Variants in MEGF6 observed in about 807,000 individuals in gnomAD.
MEGF6 encodes the protein multiple EGF like domains 6, also known as multiple epidermal growth factor-like domains protein 6.
Under a neutral mutation model 207.1 loss-of-function variants are expected in MEGF6, and 184 were observed. The observed-to-expected ratio is 0.89, with a 90% CI of 0.79 to 1.00. MEGF6 has a LOEUF of 1.00. Among genes scored for constraint, MEGF6 ranks in the 50% least tolerant of loss-of-function variants. The probability of loss-of-function intolerance (pLI) is 0.00; values close to 1 mark genes in which losing one functional copy is unlikely to be tolerated. For synonymous variants in MEGF6, 1,038 were observed against 910.0 expected (o/e 1.14, Z -2.53); for missense variants, 2,282 against 2,202.9 (o/e 1.04, Z -0.72).
chr1:3,543,944 G>A (rs1370863508), intron 4 of MEGF6, among the ~76,000 whole-genome samples: 1 of 152,218 alleles, frequency 6.6e-6, no homozygotes, highest in Non-Finnish European at 1.5e-5. Context: ...AAACACGGCC[G>A]GCAGCCCCAG....
At position 3,501,938 on chromosome 1, in the gene MEGF6, G is replaced by C. The variant is rs556409635; in HGVS notation, c.2189-17C>G. 23 of 1,479,802 alleles carry C rather than the reference G, an allele frequency of 1.6e-5. No homozygotes were observed. The highest frequency in any genetic ancestry group is 1.1e-4 in the African/African-American group (7 of 65,554). The allele number at this position is 1,479,802 out of a possible 1,614,324, so 91.7% of individuals were successfully genotyped here. Reference sequence around the variant, plus strand: ...CCGGGCACTCTGCAGGAGAAAGCACGAGGGGCCTTAGCCGCACCACGTGGA... The same window carrying C: ...CCGGGCACTCTGCAGGAGAAAGCACCAGGGGCCTTAGCCGCACCACGTGGA... On this transcript the variant is annotated splice_polypyrimidine_tract_variant and intron_variant, in intron 17 of 36. Transcript: ENST00000356575.
chr1:3,523,889 A>T (rs1363464845), intron 5 of MEGF6, among the ~76,000 whole-genome samples: 1 of 152,212 alleles, frequency 6.6e-6, no homozygotes, highest in Non-Finnish European at 1.5e-5. Context: ...GAGGGTCTGC[A>T]GCCAGGGTCC....
In MEGF6 at chr1:3,501,207, G is replaced by A; in HGVS notation, c.2416C>T (p.Pro806Ser). Residue 806 changes from proline (P) to serine (S), a missense_variant, in exon 19 of 37, where the codon CCT becomes TCT. Transcript: ENST00000356575. The part of the protein sequence containing the change: ...DPETGACLCL[P>S]GFVGSRCQDV... ...TGGCAGCGGCTGCCGACGAAGCCAG[G>A]GAGGCACAGGCAGGCTCCGGTCTCA... 6.2e-7 allele frequency: 1 copy of A among 1,612,314 alleles called. No individual in the cohort carries two copies. Among genetic ancestry groups the A allele is most frequent in the Non-Finnish European group, 8.5e-7 (1 of 1,179,796 alleles).
chr1:3,614,817 G>A (rs1238881382), upstream of MEGF6, among the ~76,000 whole-genome samples: 1 of 152,252 alleles, frequency 6.6e-6, no homozygotes, highest in East Asian at 1.9e-4. Context: ...GTTAGCCAGT[G>A]GTTCAGGCAC....
intron 4 of MEGF6, among the ~76,000 whole-genome samples, chr1:3,524,542 C>T (rs1641888565): frequency 6.6e-6 from 1 of 152,232 alleles, no homozygotes; most frequent in South Asian, 2.1e-4. Flanking sequence ...CAAGACTGAA[C>T]CGGGAGCGCA....
chr1:3,624,092 C>G, the MEGF6 span, among the ~76,000 whole-genome samples: 1 of 152,204 alleles, frequency 6.6e-6, no homozygotes, highest in South Asian at 2.1e-4. Context: ...TCCTCATTCT[C>G]CCCCCATCTC....
intron 5 of MEGF6, among the ~76,000 whole-genome samples, chr1:3,521,423 C>T (rs1245203148): frequency 1.3e-5 from 2 of 152,208 alleles, no homozygotes; most frequent in Admixed American, 1.3e-4. Flanking sequence ...TCTAACAGGC[C>T]CAGGCCGAGC....
At chr1:3,493,643 A>G in intron 34 of MEGF6, 128 bp downstream of exon 34, 1 of 1,301,180 alleles carries the variant, frequency 7.7e-7, no homozygotes, top group Non-Finnish European at 1.1e-6. Context: ...GGCACAGTCC[A>G]GGTGCAGAGG....
chr1:3,500,876 C>T, intron 20 of MEGF6, 90 bp downstream of exon 20: 2 of 1,600,132 alleles, frequency 1.2e-6, no homozygotes, highest in Non-Finnish European at 8.5e-7. Context: ...CCTGCAAGCC[C>T]CTAGTCCTCG....
intron 2 of MEGF6, among the ~76,000 whole-genome samples, chr1:3,598,593 C>T (rs1341098837): frequency 6.6e-6 from 1 of 152,164 alleles, no homozygotes; most frequent in Non-Finnish European, 1.5e-5. Context: ...AGGGAATGAC[C>T]CTTGCAGTCC....
Position 3,497,139 on chromosome 1 carries a change from G to C in MEGF6, c.3482-20C>G. 1 of 1,564,890 alleles carries C rather than the reference G, an allele frequency of 6.4e-7. No individual in the cohort carries two copies. The highest frequency in any genetic ancestry group is 8.7e-7 in the Non-Finnish European group (1 of 1,153,030). ...GGCAGGCTGGGTGGAGACAGGCAGG[G>C]TCGGTCCTGGCCCAGCCCCGCCAAG... On this transcript the variant is annotated intron_variant, in intron 27 of 36. Transcript: ENST00000356575.
chr1:3,498,656 A>G, intron 25 of MEGF6, 42 bp downstream of exon 25: 1 of 1,522,988 alleles, frequency 6.6e-7, no homozygotes, highest in Non-Finnish European at 8.8e-7. Flanking sequence ...GGCTGCACCA[A>G]GCATGCTGGG....
At chr1:3,507,746 C>A in intron 14 of MEGF6, 49 bp downstream of exon 14, 1 of 1,612,068 alleles carries the variant, frequency 6.2e-7, no homozygotes, top group East Asian at 2.2e-5. Flanking sequence ...TCCCACTTCC[C>A]TTACAGCCCA....
chr1:3,544,730 G>A (rs1217008658), intron 4 of MEGF6, among the ~76,000 whole-genome samples: 2 of 152,200 alleles, frequency 1.3e-5, no homozygotes, highest in African/African-American at 4.8e-5. Context: ...ACCAAGGCCC[G>A]GCACCAGCCC....
intron 4 of MEGF6, among the ~76,000 whole-genome samples, chr1:3,540,376 G>A (rs1352904795): frequency 6.6e-6 from 1 of 152,246 alleles, no homozygotes; most frequent in Non-Finnish European, 1.5e-5. Flanking sequence ...TGGGAAGACA[G>A]CCAGCTGAAG....
At position 3,497,256 on chromosome 1, in the gene MEGF6, A is replaced by G. The variant is rs755696289; in HGVS notation, c.3458T>C (p.Phe1153Ser). 6.5e-7 allele frequency: 1 copy of G among 1,538,358 alleles called. No individual in the cohort carries two copies. Among genetic ancestry groups the G allele is most frequent in the Non-Finnish European group, 8.7e-7 (1 of 1,145,044 alleles). Reference sequence around the variant, plus strand: ...ACCCTGCTCGCAGCCGGAGCCAGTGAAGCCAGGGGGACAGCGGCAGGCCCC... The same window carrying G: ...ACCCTGCTCGCAGCCGGAGCCAGTGGAGCCAGGGGGACAGCGGCAGGCCCC... ...VTGACRCPPGFTGSGCEQACP... is the reference protein window; with the variant it reads ...VTGACRCPPGSTGSGCEQACP... Residue 1153 changes from phenylalanine to serine, a missense_variant, in exon 27 of 37, where the codon TTC becomes TCC. By Grantham distance (155) the Phe-to-Ser change is radical. Transcript: ENST00000356575.
intron 36 of MEGF6, 30 bp downstream of exon 36, chr1:3,490,882 A>C (rs772668321): frequency 5.1e-6 from 8 of 1,568,258 alleles, no homozygotes; most frequent in Non-Finnish European, 6.9e-6. Flanking sequence ...CCCTCCTGGC[A>C]AGCCCACGGG....
chr1:3,501,403 G>A (rs943533975), intron 18 of MEGF6, 95 bp from the exon 19 acceptor site: 10 of 1,465,280 alleles, frequency 6.8e-6, no homozygotes, highest in African/African-American at 1.4e-5. Flanking sequence ...CACGGCCGAG[G>A]AGGTGGAACC....
intron 3 of MEGF6, among the ~76,000 whole-genome samples, chr1:3,585,077 AGT>A (rs1261052851): frequency 1.4e-5 from 2 of 144,186 alleles, no homozygotes; most frequent in East Asian, 2.4e-4. Context: ...CCTATGTGTG[AGT>A]GTGAGTGAGG....
Sources: gnomAD v4.1 joint callset for allele counts (sites outside exome capture counted in the v4.1 genomes callset) on GRCh38, gnomAD v4.1.1 for gene constraint, MANE v1.5 for transcripts, NCBI Gene and HGNC (gene_info 2026-07-23, HGNC 2026-07-21) for gene names.